Variants in KIF26B observed in about 807,000 individuals in gnomAD.
KIF26B encodes the protein kinesin-like protein KIF26B.
KIF26B carries 63 observed loss-of-function variants against 151.2 expected under a neutral mutation model. The ratio of observed to expected loss-of-function variants is 0.42; its 90% CI spans 0.34 to 0.51. The LOEUF (loss-of-function observed/expected upper bound fraction) is 0.51, where lower values mean the gene tolerates loss of function less well. KIF26B is among the 20% of genes least tolerant of loss of function. The pLI is 0.07. For synonymous variants in KIF26B, 1,357 were observed against 1,262.1 expected, an observed-to-expected ratio of 1.08 and a Z score of -1.59; for missense variants, 2,813 against 2,913.6, an observed-to-expected ratio of 0.97 and a Z score of 0.79.
intron 3 of KIF26B, among the ~76,000 whole-genome samples, chr1:245,374,985 C>T (rs892716082): frequency 6.6e-6 from 1 of 152,190 alleles, no homozygotes; most frequent in Non-Finnish European, 1.5e-5. Flanking sequence ...GATGCCCACA[C>T]CCTAATCCCC....
intron 2 of KIF26B, among the ~76,000 whole-genome samples, chr1:245,291,351 A>G (rs776044856): frequency 6.6e-6 from 1 of 152,220 alleles, no homozygotes; most frequent in Non-Finnish European, 1.5e-5. Flanking sequence ...GCACTTGACT[A>G]CTTTGAGTCC....
At chr1:245,283,742 C>A (rs1412045860) in intron 2 of KIF26B, among the ~76,000 whole-genome samples, 2 of 145,826 alleles carry the variant, frequency 1.4e-5, no homozygotes, top group Non-Finnish European at 3.0e-5. Flanking sequence ...GGCTAGAGTG[C>A]ACTGGCACAA....
chr1:245,549,779 G>A (rs1230287871), intron 5 of KIF26B, among the ~76,000 whole-genome samples: 1 of 142,588 alleles, frequency 7.0e-6, no homozygotes, highest in East Asian at 2.0e-4. Context: ...GAATAATTCC[G>A]ATACATTCTT....
intron 2 of KIF26B, among the ~76,000 whole-genome samples, chr1:245,212,495 C>T (rs2103544455): frequency 6.6e-6 from 1 of 152,330 alleles, no homozygotes. Flanking sequence ...TGTGATGCCT[C>T]CGGGCAGTTA....
intron 2 of KIF26B, among the ~76,000 whole-genome samples, chr1:245,259,307 T>C (rs6428908): frequency 0.59 from 89,437 of 151,592 alleles, 27,614 homozygotes; most frequent in African/African-American, 0.78. Flanking sequence ...GTAATCATGA[T>C]ATCCAATGTC....
At chr1:245,651,385 G>C (rs1416547530) in intron 10 of KIF26B, among the ~76,000 whole-genome samples, 5 of 152,200 alleles carry the variant, frequency 3.3e-5, no homozygotes, top group African/African-American at 1.2e-4. Flanking sequence ...ACTTGTGGCA[G>C]CAGGCCCAGC....
At chr1:245,286,665 C>T (rs968014921) in intron 2 of KIF26B, among the ~76,000 whole-genome samples, 1 of 152,184 alleles carries the variant, frequency 6.6e-6, no homozygotes, top group Admixed American at 6.5e-5. Flanking sequence ...ATTTTCAAGA[C>T]ATCTAGATCT....
At chr1:245,431,766 T>C (rs1350392767) in intron 4 of KIF26B, among the ~76,000 whole-genome samples, 4 of 152,222 alleles carry the variant, frequency 2.6e-5, no homozygotes, top group East Asian at 3.9e-4. Context: ...CGTGAGCCAC[T>C]GCGCCTGGCC....
chr1:245,609,324 C>T lies in KIF26B; in HGVS notation c.1710C>T (p.Pro570=). The change falls in exon 8 of 15, where the codon CCC becomes CCT. Residue 570 remains proline, a synonymous_variant. Coordinates refer to ENST00000407071, the MANE Select transcript of KIF26B (RefSeq NM_018012.4). ...CCATGCAGAACCTGGGCATCATTCCCTGTGCCATCTCTTGGCTCTTCAAGC... is the reference window on the plus strand; with the variant it reads ...CCATGCAGAACCTGGGCATCATTCCTTGTGCCATCTCTTGGCTCTTCAAGC... ...DDSMQNLGII[P]CAISWLFKLI... The T allele has an allele frequency of 6.2e-7, 1 of 1,611,134 alleles. No individual in the cohort carries two copies. The highest frequency in any genetic ancestry group is 8.5e-7 in the Non-Finnish European group (1 of 1,178,740).
chr1:245,515,830 C>T (rs917404761), intron 4 of KIF26B, among the ~76,000 whole-genome samples: 29 of 152,144 alleles, frequency 1.9e-4, no homozygotes, highest in Non-Finnish European at 1.6e-4. Context: ...AGGGCTCGCT[C>T]TGTAACTCGG....
intron 4 of KIF26B, among the ~76,000 whole-genome samples, chr1:245,461,709 G>T (rs1310865178): frequency 6.6e-6 from 1 of 152,166 alleles, no homozygotes; most frequent in Non-Finnish European, 1.5e-5. Context: ...GGGCACCTGT[G>T]GTCTCCGAAG....
chr1:245,679,457 G>GTTTTTTT (rs35663208), intron 10 of KIF26B, among the ~76,000 whole-genome samples: 11 of 59,208 alleles, frequency 1.9e-4, no homozygotes, highest in African/African-American at 3.0e-4. Context: ...TTTTGTGTGT[G>GTTTTTTT]TTTTTTTTTT....
In KIF26B at chr1:245,693,770, T is replaced by C. The variant is rs1362693204; in HGVS notation, c.5825-4336T>C. Among the ~76,000 whole-genome samples, 4 of 152,174 alleles carry C rather than the reference T, an allele frequency of 2.6e-5. No homozygotes were observed. The East Asian group carries it at 7.7e-4, about 29-fold the overall frequency. On this transcript the variant is annotated intron_variant, in intron 12 of 14. Transcript: ENST00000407071. ...TGCCAACCTCTCCTATTCGTTTGGT[T>C]CTCAGGCACATCCTGGTTTTGTTTT...
intron 2 of KIF26B, among the ~76,000 whole-genome samples, chr1:245,347,413 T>C (rs1391957712): frequency 1.3e-5 from 2 of 152,034 alleles, no homozygotes; most frequent in Non-Finnish European, 2.9e-5. Flanking sequence ...CTTGAACTCC[T>C]GGGCTCAAGT....
At chr1:245,480,567 A>G (rs148029726) in intron 4 of KIF26B, among the ~76,000 whole-genome samples, 2 of 151,720 alleles carry the variant, frequency 1.3e-5, no homozygotes, top group Non-Finnish European at 3.0e-5. Flanking sequence ...CCAGTACATC[A>G]AGAGTTGAAG....
At chr1:245,644,995 G>A (rs1352961825) in intron 9 of KIF26B, among the ~76,000 whole-genome samples, 1 of 152,148 alleles carries the variant, frequency 6.6e-6, no homozygotes, top group African/African-American at 2.4e-5. Context: ...CGTGTCACAT[G>A]GCAAGAGAGA....
intron 2 of KIF26B, among the ~76,000 whole-genome samples, chr1:245,228,151 G>A (rs1669915397): frequency 6.6e-6 from 1 of 152,188 alleles, no homozygotes; most frequent in Non-Finnish European, 1.5e-5. Flanking sequence ...GACATCGGAA[G>A]CCTTCTCCAT....
Position 245,365,521 on chromosome 1 carries a change from A to AC in KIF26B, c.466-1311dup, listed in dbSNP as rs571291949. Among the ~76,000 whole-genome samples, 276 of 144,896 alleles carry AC rather than the reference A, an allele frequency of 1.9e-3. 5 individuals are homozygous for AC. Among genetic ancestry groups the AC allele is most frequent in the Middle Eastern group, 0.011 (3 of 272 alleles). On this transcript the variant is annotated intron_variant, in intron 2 of 14. Transcript: ENST00000407071. The stretch of plus-strand genomic sequence containing the variant: ...CGTCACTGCCTCACAACTCCCCCCC[A>AC]CCAGCCTACAGCTCAGCAAACCGCC...
intron 3 of KIF26B, among the ~76,000 whole-genome samples, chr1:245,373,582 C>T (rs1358354978): frequency 1.3e-5 from 2 of 152,158 alleles, no homozygotes; most frequent in African/African-American, 4.8e-5. Flanking sequence ...ATGTGCATTC[C>T]TTGAGTTGCA....
Sources: allele counts gnomAD v4.1 joint callset (sites outside exome capture counted in the v4.1 genomes callset), GRCh38; gene constraint gnomAD v4.1.1; transcripts MANE v1.5; gene names NCBI Gene and HGNC (gene_info 2026-07-23, HGNC 2026-07-21).